Variants in UTS2B observed in about 807,000 individuals in gnomAD.
UTS2B encodes the protein urotensin-2B.
Under a neutral mutation model 19.2 loss-of-function variants are expected in UTS2B, and 21 were observed. That is an observed-to-expected ratio of 1.09 (90% CI 0.78 to 1.58). The LOEUF (loss-of-function observed/expected upper bound fraction) is 1.58, where lower values mean the gene tolerates loss of function less well. Ranked by LOEUF, UTS2B falls within the 40% of genes most tolerant of loss-of-function variation. UTS2B has a pLI of 0.00. For missense variants in UTS2B, 138 were observed against 130.3 expected, an observed-to-expected ratio of 1.06 and a Z score of -0.29; for synonymous variants, 57 against 50.2, an observed-to-expected ratio of 1.14 and a Z score of -0.58.
chr3:191,271,421 A>T (rs756544921), intron 8 of UTS2B, among the ~76,000 whole-genome samples: 6 of 152,144 alleles, frequency 3.9e-5, no homozygotes, highest in Non-Finnish European at 8.8e-5. Flanking sequence ...TGCAGCACCC[A>T]ATTAAAGCCT....
intron 3 of UTS2B, among the ~76,000 whole-genome samples, chr3:191,308,752 A>G (rs918245966): frequency 6.6e-6 from 1 of 152,188 alleles, no homozygotes; most frequent in Non-Finnish European, 1.5e-5. Flanking sequence ...AATATGCCCA[A>G]GGCCATTATC....
chr3:191,280,446 TA>T (rs1022486800), intron 5 of UTS2B, among the ~76,000 whole-genome samples: 9 of 152,260 alleles, frequency 5.9e-5, no homozygotes, highest in Admixed American at 5.9e-4. Flanking sequence ...ATGCTTATTT[TA>T]AAATTATATT....
intron 8 of UTS2B, among the ~76,000 whole-genome samples, chr3:191,272,785 C>T (rs539176633): frequency 1.1e-4 from 16 of 149,610 alleles, no homozygotes; most frequent in East Asian, 2.0e-4. Flanking sequence ...AGCTTGAACC[C>T]AAAAGGCGAA....
chr3:191,330,328 C>CACACAA (rs1491569698), intron 1 of UTS2B, 86 bp downstream of exon 1: 47 of 146,918 alleles, frequency 3.2e-4, no homozygotes, highest in African/African-American at 1.2e-3. Context: ...CACACACACA[C>CACACAA]AATAGTGAGC....
chr3:191,281,947 A>T, intron 5 of UTS2B, 140 bp downstream of exon 5: 1 of 659,822 alleles, frequency 1.5e-6, no homozygotes, highest in Non-Finnish European at 2.7e-6. Flanking sequence ...ACCAGCAACT[A>T]CTTAAGGGAG....
At chr3:191,338,917 T>G in the UTS2B span, among the ~76,000 whole-genome samples, 14 of 152,308 alleles carry the variant, frequency 9.2e-5, no homozygotes, top group Middle Eastern at 3.4e-3. Flanking sequence ...ATATGGTCAT[T>G]TTGTTGCTGT....
intron 8 of UTS2B, among the ~76,000 whole-genome samples, chr3:191,269,562 C>T (rs1716031809): frequency 6.6e-6 from 1 of 151,526 alleles, no homozygotes; most frequent in African/African-American, 2.4e-5. Flanking sequence ...GCCTGGACCA[C>T]AGTGGCTATT....
chr3:191,283,971 G>A (rs1307188983), intron 4 of UTS2B, among the ~76,000 whole-genome samples: 1 of 151,966 alleles, frequency 6.6e-6, no homozygotes, highest in East Asian at 1.9e-4. Context: ...GGAAATTAAT[G>A]TCATGTGATG....
chr3:191,282,032 A>G, intron 5 of UTS2B, 55 bp downstream of exon 5: 2 of 1,256,392 alleles, frequency 1.6e-6, no homozygotes, highest in Non-Finnish European at 2.3e-6. Flanking sequence ...TTGTTCAAAT[A>G]GAAATAGAAG....
At chr3:191,339,789 ACT>A in the UTS2B span, among the ~76,000 whole-genome samples, 1 of 152,186 alleles carries the variant, frequency 6.6e-6, no homozygotes, top group Non-Finnish European at 1.5e-5. Flanking sequence ...GATACTGAAG[ACT>A]CTGTGAGAAC....
chr3:191,344,246 T>C, the UTS2B span, among the ~76,000 whole-genome samples: 1 of 152,210 alleles, frequency 6.6e-6, no homozygotes, highest in East Asian at 1.9e-4. Context: ...TTGTCTAAAT[T>C]AGTTCTGTCA....
intron 3 of UTS2B, among the ~76,000 whole-genome samples, chr3:191,308,056 A>C (rs1441519821): frequency 1.3e-5 from 2 of 152,020 alleles, no homozygotes; most frequent in Non-Finnish European, 2.9e-5. Flanking sequence ...GGCTGGTCTC[A>C]AACTCCTGAC....
intron 4 of UTS2B, among the ~76,000 whole-genome samples, chr3:191,290,547 C>A (rs2108583888): frequency 6.6e-6 from 1 of 152,250 alleles, no homozygotes; most frequent in Non-Finnish European, 1.5e-5. Context: ...ACATGCTTAA[C>A]CCACATGATC....
intron 5 of UTS2B, among the ~76,000 whole-genome samples, chr3:191,278,742 C>T (rs932183529): frequency 4.0e-5 from 6 of 151,762 alleles, no homozygotes; most frequent in Admixed American, 1.3e-4. Context: ...TCCTCAGGTC[C>T]CTAAATGTCT....
intron 2 of UTS2B, among the ~76,000 whole-genome samples, chr3:191,321,207 G>A (rs907500295): frequency 6.6e-6 from 1 of 152,132 alleles, no homozygotes; most frequent in Non-Finnish European, 1.5e-5. Context: ...GTGGGGAGGG[G>A]TGGGAGTGGT....
intron 4 of UTS2B, among the ~76,000 whole-genome samples, chr3:191,285,912 A>G (rs145569042): frequency 1.5e-3 from 226 of 152,308 alleles, no homozygotes; most frequent in African/African-American, 5.2e-3. Flanking sequence ...AGAAAAAAGA[A>G]AAAAGAAAGT....
the UTS2B span, among the ~76,000 whole-genome samples, chr3:191,341,622 C>G: frequency 6.6e-6 from 1 of 152,184 alleles, no homozygotes; most frequent in Admixed American, 6.5e-5. Context: ...CTTTTCTCTT[C>G]TCAGAGTGCT....
At chr3:191,281,006 C>T (rs921170494) in intron 5 of UTS2B, among the ~76,000 whole-genome samples, 1 of 152,122 alleles carries the variant, frequency 6.6e-6, no homozygotes, top group Non-Finnish European at 1.5e-5. Flanking sequence ...GAAAAATCCT[C>T]ATAAATAAAT....
At chr3:191,284,388 C>A (rs1195185548) in intron 4 of UTS2B, among the ~76,000 whole-genome samples, 1 of 151,898 alleles carries the variant, frequency 6.6e-6, no homozygotes, top group Non-Finnish European at 1.5e-5. Context: ...GTGGCGTAAT[C>A]ATGGTTCACT....
Sources: allele counts gnomAD v4.1 joint callset (sites outside exome capture counted in the v4.1 genomes callset), GRCh38; gene constraint gnomAD v4.1.1; transcripts MANE v1.5; gene names NCBI Gene and HGNC (gene_info 2026-07-23, HGNC 2026-07-21).